Variants in SCAPER observed in about 807,000 individuals in gnomAD.
SCAPER encodes S phase cyclin A-associated protein in the endoplasmic reticulum.
A neutral mutation model predicts 182.2 loss-of-function variants in SCAPER; 98 were observed. That is an observed-to-expected ratio of 0.54 (90% CI 0.46 to 0.64). The LOEUF is 0.64. SCAPER is among the 30% of genes least tolerant of loss of function. The pLI is 0.00. For missense variants in SCAPER, 1,432 were observed against 1,690.0 expected (o/e 0.85, Z 2.68); for synonymous variants, 605 against 564.6 (o/e 1.07, Z -1.01).
intron 23 of SCAPER, among the ~76,000 whole-genome samples, chr15:76,565,522 A>C (rs1382335091): frequency 6.6e-6 from 1 of 152,134 alleles, no homozygotes; most frequent in African/African-American, 2.4e-5. Context: ...AATGTCAAAA[A>C]AATAACAGAT....
rs958326193 is a variant in SCAPER, at chr15:76,579,083, G to A, written c.2712-4799C>T. On this transcript the variant is annotated intron_variant, in intron 22 of 31. Transcript: ENST00000563290. ...AGATCGAGACAATCCTGGCTAACAC[G>A]GTGAAACCCTGCCTTGACTAAAAAT... Among the ~76,000 whole-genome samples, 6 of 139,852 alleles carry A rather than the reference G, an allele frequency of 4.3e-5. No homozygotes were observed. In the East Asian group the frequency reaches 8.1e-4, roughly 19 times the overall value. 91.7% of individuals were successfully genotyped at this position (139,852 alleles called of 152,430 possible). A position where few individuals can be genotyped will look rare whatever the true frequency, so the allele number is the denominator to read the frequency against.
At chr15:76,389,715 G>T (rs2043543009) in intron 27 of SCAPER, among the ~76,000 whole-genome samples, 1 of 150,930 alleles carries the variant, frequency 6.6e-6, no homozygotes, top group Non-Finnish European at 1.5e-5. Flanking sequence ...CTACATGGGG[G>T]GCTAAGGCAG....
intron 8 of SCAPER, among the ~76,000 whole-genome samples, chr15:76,778,559 T>A (rs1350810080): frequency 1.3e-5 from 2 of 152,046 alleles, no homozygotes; most frequent in Non-Finnish European, 2.9e-5. Context: ...ACCTTAAATG[T>A]AAATGTTCTA....
intron 2 of SCAPER, among the ~76,000 whole-genome samples, chr15:76,882,711 T>G (rs913540956): frequency 6.6e-6 from 1 of 152,214 alleles, no homozygotes; most frequent in Non-Finnish European, 1.5e-5. Flanking sequence ...ATAGCCCAGG[T>G]TGGAGTGCAG....
intron 5 of SCAPER, among the ~76,000 whole-genome samples, chr15:76,821,738 C>T (rs2067575056): frequency 6.6e-6 from 1 of 151,692 alleles, no homozygotes. Context: ...AGACTTCATC[C>T]CTACTAAAAA....
At position 76,375,283 on chromosome 15, in the gene SCAPER, T is replaced by A. The variant is rs533697292; in HGVS notation, c.3855+879A>T. On this transcript the variant is annotated intron_variant, in intron 29 of 31. Transcript: ENST00000563290. ...AAATCTATGAAATCTTTTTTTTTTTTAAATCTATGAAATCTTGCTCAGAAA... is the reference window on the plus strand; with the variant it reads ...AAATCTATGAAATCTTTTTTTTTTTAAAATCTATGAAATCTTGCTCAGAAA... Among the ~76,000 whole-genome samples the A allele has an allele frequency of 2.1e-3, 322 of 151,258 alleles. 2 individuals are homozygous for A. The highest frequency in any genetic ancestry group is 7.4e-3 in the African/African-American group (305 of 41,244).
chr15:76,647,815 T>C (rs1474787974), intron 21 of SCAPER, among the ~76,000 whole-genome samples: 1 of 152,176 alleles, frequency 6.6e-6, no homozygotes, highest in Non-Finnish European at 1.5e-5. Context: ...TCATTGAACA[T>C]CCTAGTCATT....
intron 2 of SCAPER, among the ~76,000 whole-genome samples, chr15:76,872,050 A>G (rs900471634): frequency 1.3e-5 from 2 of 152,224 alleles, no homozygotes; most frequent in Non-Finnish European, 2.9e-5. Context: ...GAGAAATAAA[A>G]TATTACTGAG....
chr15:76,557,924 G>C (rs1225876917), intron 23 of SCAPER, among the ~76,000 whole-genome samples: 1 of 152,170 alleles, frequency 6.6e-6, no homozygotes, highest in Non-Finnish European at 1.5e-5. Context: ...AATAAACGGT[G>C]CTGTGACAAC....
chr15:76,594,492 C>T (rs1302194374), intron 22 of SCAPER, among the ~76,000 whole-genome samples: 1 of 120,768 alleles, frequency 8.3e-6, no homozygotes, highest in East Asian at 2.2e-4. Flanking sequence ...CAGAGATACT[C>T]CTCGAGAAGA....
intron 15 of SCAPER, among the ~76,000 whole-genome samples, chr15:76,748,198 G>T (rs1047658041): frequency 2.0e-5 from 3 of 151,826 alleles, no homozygotes; most frequent in African/African-American, 7.3e-5. Flanking sequence ...CCATGTTGGT[G>T]AGGCTGGTCT....
At chr15:76,632,768 CTTTTT>C (rs1188058843) in intron 21 of SCAPER, among the ~76,000 whole-genome samples, 1 of 104,532 alleles carries the variant, frequency 9.6e-6, no homozygotes, top group Non-Finnish European at 1.9e-5. Flanking sequence ...AGGCTGCTGA[CTTTTT>C]TTTTTTTTTT....
chr15:76,580,400 C>T (rs1167372062), intron 22 of SCAPER, among the ~76,000 whole-genome samples: 1 of 152,114 alleles, frequency 6.6e-6, no homozygotes. Context: ...GGAAATTAAA[C>T]CACATGGTCC....
chr15:76,539,977 T>C (rs2044587199), intron 23 of SCAPER, among the ~76,000 whole-genome samples: 1 of 152,168 alleles, frequency 6.6e-6, no homozygotes, highest in African/African-American at 2.4e-5. Flanking sequence ...TTCAAACAAA[T>C]GTCAATCAAT....
intron 5 of SCAPER, among the ~76,000 whole-genome samples, chr15:76,811,996 A>G (rs1244000899): frequency 6.6e-6 from 1 of 152,066 alleles, no homozygotes; most frequent in South Asian, 2.1e-4. Flanking sequence ...AATAAAGATA[A>G]CAATAGAAAT....
chr15:76,643,920 T>C (rs181080474), intron 21 of SCAPER, among the ~76,000 whole-genome samples: 24 of 152,296 alleles, frequency 1.6e-4, no homozygotes, highest in African/African-American at 5.5e-4. Flanking sequence ...GAATCTACCT[T>C]TTAAAAATGA....
At chr15:76,393,193 T>C (rs1485995540) in intron 27 of SCAPER, among the ~76,000 whole-genome samples, 1 of 152,228 alleles carries the variant, frequency 6.6e-6, no homozygotes, top group African/African-American at 2.4e-5. Flanking sequence ...TCCCATTCTC[T>C]AGATCTGAAG....
intron 23 of SCAPER, among the ~76,000 whole-genome samples, chr15:76,549,573 A>G (rs1257522164): frequency 1.3e-5 from 2 of 152,280 alleles, no homozygotes; most frequent in South Asian, 2.1e-4. Flanking sequence ...CAGGAAGGGG[A>G]ACATCACACT....
Position 76,436,485 on chromosome 15 carries a change from A to G in SCAPER, c.3079-2175T>C, listed in dbSNP as rs547784776. ...GGAGACTTCCTTATTTTCTGGTCCT[A>G]TTACTTTTTTTGTTTCATCAATTAT... On this transcript the variant is annotated intron_variant, in intron 25 of 31. Coordinates refer to ENST00000563290, the MANE Select transcript of SCAPER (RefSeq NM_020843.4). Among the ~76,000 whole-genome samples the G allele has an allele frequency of 3.9e-5, 6 of 151,950 alleles. 1 individual carries two copies. The highest frequency in any genetic ancestry group is 1.4e-4 in the African/African-American group (6 of 41,462).
Sources: allele counts gnomAD v4.1 joint callset (sites outside exome capture counted in the v4.1 genomes callset), GRCh38; gene constraint gnomAD v4.1.1; transcripts MANE v1.5; gene names NCBI Gene and HGNC (gene_info 2026-07-23, HGNC 2026-07-21).